TNFRSF1B: variants seen among roughly 807,000 people sequenced by gnomAD.
TNFRSF1B encodes the protein tumor necrosis factor receptor superfamily member 1B.
In TNFRSF1B, 19 loss-of-function variants were observed where a neutral mutation model predicts 44.6. That is an observed-to-expected ratio of 0.43 (90% CI 0.30 to 0.62). The LOEUF (loss-of-function observed/expected upper bound fraction) is 0.62, where lower values mean the gene tolerates loss of function less well. Among genes scored for constraint, TNFRSF1B ranks in the 20% least tolerant of loss-of-function variants. The pLI, the probability that TNFRSF1B is intolerant of heterozygous loss-of-function variation, is 0.16. For missense variants in TNFRSF1B, 541 were observed against 619.9 expected, an observed-to-expected ratio of 0.87 and a Z score of 1.35; for synonymous variants, 252 against 261.1, an observed-to-expected ratio of 0.97 and a Z score of 0.34.
rs574517558 is a variant in TNFRSF1B, at chr1:12,168,327, A to G, written c.78+1158A>G. 1.3e-5 allele frequency among the ~76,000 whole-genome samples: 2 copies of G among 152,302 alleles called. No individual in the cohort carries two copies. Among genetic ancestry groups the G allele is most frequent in the South Asian group, 2.1e-4 (1 of 4,830 alleles). On this transcript the variant is annotated intron_variant, in intron 1 of 9. Transcript: ENST00000376259. The surrounding 1 kb of genome is among the most constrained non-coding windows in gnomAD (Gnocchi z 4.7). ...GTGACTTGTTGATCTGAGGCCAGAGAGTCCAGTTCTTGTGGGTGGAAGATG... is the reference window on the plus strand; with the variant it reads ...GTGACTTGTTGATCTGAGGCCAGAGGGTCCAGTTCTTGTGGGTGGAAGATG...
rs781592930 is a variant in TNFRSF1B at position 12,191,920 on chromosome 1, C to T, written c.454C>T (p.Pro152Ser). The T allele has an allele frequency of 6.2e-7, 1 of 1,608,328 alleles. No individual in the cohort carries two copies. The highest frequency in any genetic ancestry group is 1.1e-5 in the South Asian group (1 of 90,714). Residue 152 changes from proline to serine, a missense_variant, in exon 4 of 10, where the codon CCA becomes TCA. Transcript: ENST00000376259. ...CCGCCCGGGCTTCGGCGTGGCCAGA[C>T]CAGGTACGGGGTGGGGCTCAGGTCC... Reference protein sequence around the residue: ...KCRPGFGVARPGTETSDVVCK... With the variant: ...KCRPGFGVARSGTETSDVVCK...
intron 1 of TNFRSF1B, among the ~76,000 whole-genome samples, chr1:12,182,010 C>T (rs1438571538): frequency 6.6e-6 from 1 of 152,204 alleles, no homozygotes; most frequent in Non-Finnish European, 1.5e-5. Flanking sequence ...GCACAGAGAA[C>T]CTGGTTACTG....
intron 9 of TNFRSF1B, among the ~76,000 whole-genome samples, chr1:12,204,770 A>G (rs374719141): frequency 3.3e-5 from 5 of 151,518 alleles, no homozygotes; most frequent in East Asian, 3.9e-4. Context: ...AAATGTTGGT[A>G]ATCAATTCAC....
intron 4 of TNFRSF1B, 49 bp downstream of exon 4, chr1:12,191,972 T>G (rs1302854408): frequency 3.2e-6 from 5 of 1,581,282 alleles, no homozygotes; most frequent in Non-Finnish European, 4.3e-6. Context: ...GCCTCTCCTT[T>G]GTAGACATCC....
chr1:12,189,760 G>A (rs1639070407), intron 2 of TNFRSF1B, among the ~76,000 whole-genome samples: 1 of 152,212 alleles, frequency 6.6e-6, no homozygotes, highest in Admixed American at 6.5e-5. Context: ...CAGGTAAGGC[G>A]GGGGAGACAG....
intron 9 of TNFRSF1B, among the ~76,000 whole-genome samples, chr1:12,203,176 C>A (rs2101126249): frequency 6.6e-6 from 1 of 152,352 alleles, no homozygotes; most frequent in African/African-American, 2.4e-5. Flanking sequence ...GAGATCCTTG[C>A]CTGGCCACTC....
chr1:12,202,024 C>G lies in TNFRSF1B; in HGVS notation c.958C>G (p.Leu320Val). The G allele has an allele frequency of 6.2e-7, 1 of 1,612,774 alleles. No individual in the cohort carries two copies. Among genetic ancestry groups the G allele is most frequent in the Non-Finnish European group, 8.5e-7 (1 of 1,179,726 alleles). ...GTQGPEQQHL[L>V]ITAPSSSSSS... ...ACAGGGCCCCGAGCAGCAGCACCTG[C>G]TGATCACAGCGCCGAGCTCCAGCAG... is the stretch of plus-strand genomic sequence containing the variant. Residue 320 changes from leucine (L) to valine (V), a missense_variant, in exon 9 of 10, where the codon CTG becomes GTG. By Grantham distance (32) the Leu-to-Val change is conservative. Transcript: ENST00000376259.
chr1:12,178,972 G>A lies in TNFRSF1B; in HGVS notation c.79-9824G>A, dbSNP rs112768017. Among the ~76,000 whole-genome samples the A allele has an allele frequency of 2.8e-3, 421 of 152,196 alleles. 3 individuals carry two copies. The highest frequency in any genetic ancestry group is 9.7e-3 in the African/African-American group (404 of 41,524). ...GCTGGCAGGAGATGCTGAGGGCAGC[G>A]AGGAGGAGGGGTCGTGGGAGATGGA... On this transcript the variant is annotated intron_variant, in intron 1 of 9. Coordinates refer to ENST00000376259, the MANE Select transcript of TNFRSF1B (RefSeq NM_001066.3). This position sits in a 1 kb window ranked among gnomAD's most constrained non-coding sequence, Gnocchi z 4.3.
Position 12,192,872 on chromosome 1 carries a change from G to C in TNFRSF1B, c.561G>C (p.Val187=), listed in dbSNP as rs1233684439. The C allele has an allele frequency of 6.2e-7, 1 of 1,613,580 alleles. No individual in the cohort carries two copies. ...CCTCCTCCTCCTCCAGCTGTAACGT[G>C]GTGGCCATCCCTGGGAATGCAAGCA... is the stretch of plus-strand genomic sequence containing the variant. ...DICRPHQICN[V]VAIPGNASMD... is the part of the protein sequence containing the mutation. The change falls in exon 6 of 10, where the codon GTG becomes GTC. Residue 187 remains valine, a synonymous_variant. Coordinates refer to ENST00000376259, the MANE Select transcript of TNFRSF1B (RefSeq NM_001066.3).
chr1:12,192,565 G>A (rs375517338), intron 5 of TNFRSF1B, 41 bp downstream of exon 5: 143 of 1,585,766 alleles, frequency 9.0e-5, no homozygotes, highest in Non-Finnish European at 1.2e-4. Context: ...AGCAGGGAGG[G>A]GCTGTCCCTG....
Position 12,199,230 on chromosome 1 carries a change from A to G in TNFRSF1B, c.901-2737A>G, listed in dbSNP as rs1458078133. ...AAACCCCTTTTGTGGGGTTGTGAGG[A>G]GTGACAATTGGCTGCTTCTCCTCCC... On this transcript the variant is annotated intron_variant, in intron 8 of 9. Coordinates refer to ENST00000376259, the MANE Select transcript of TNFRSF1B (RefSeq NM_001066.3). This position sits in a 1 kb window ranked among gnomAD's most constrained non-coding sequence, Gnocchi z 4.0. 6.6e-6 allele frequency among the ~76,000 whole-genome samples: 1 copy of G among 152,132 alleles called. No individual in the cohort carries two copies. The highest frequency in any genetic ancestry group is 2.4e-5 in the African/African-American group (1 of 41,428).
In TNFRSF1B at chr1:12,177,901, A is replaced by C. The variant is rs557741987; in HGVS notation, c.78+10732A>C. 6.6e-6 allele frequency among the ~76,000 whole-genome samples: 1 copy of C among 152,212 alleles called. No homozygotes were observed. The highest frequency in any genetic ancestry group is 2.1e-4 in the South Asian group (1 of 4,826). On this transcript the variant is annotated intron_variant, in intron 1 of 9. Transcript: ENST00000376259. The surrounding 1 kb of genome is among the most constrained non-coding windows in gnomAD (Gnocchi z 4.3). ...CAGAGTGCCCTTCCTTGTCACAGCTACCTGGGGGCAGGGGAACATCATCCC... is the reference window on the plus strand; with the variant it reads ...CAGAGTGCCCTTCCTTGTCACAGCTCCCTGGGGGCAGGGGAACATCATCCC...
chr1:12,193,583 A>C lies in TNFRSF1B; in HGVS notation c.788-372A>C, dbSNP rs149373764. ...TGAGGTCCTATCTCAAAAACAAAAC[A>C]AAACCAAACAAAACCCCTGGATAGG... On this transcript the variant is annotated intron_variant, in intron 6 of 9. Transcript: ENST00000376259. Among the ~76,000 whole-genome samples the C allele has an allele frequency of 5.3e-4, 80 of 152,314 alleles. 1 individual carries two copies. Among genetic ancestry groups the C allele is most frequent in the African/African-American group, 1.5e-3 (63 of 41,574 alleles).
chr1:12,201,285 T>C (rs971342998), intron 8 of TNFRSF1B, among the ~76,000 whole-genome samples: 4 of 132,710 alleles, frequency 3.0e-5, no homozygotes, highest in African/African-American at 1.1e-4. Context: ...AAAAAAAAAG[T>C]GAAAACCATT....
chr1:12,188,863 C>T lies in TNFRSF1B; in HGVS notation c.146C>T (p.Thr49Ile), dbSNP rs1639045343. The T allele has an allele frequency of 6.2e-7, 1 of 1,613,882 alleles. No homozygotes were observed. The highest frequency in any genetic ancestry group is 8.5e-7 in the Non-Finnish European group (1 of 1,179,908). Residue 49 changes from threonine to isoleucine, a missense_variant, in exon 2 of 10, where the codon ACA becomes ATA. Coordinates refer to ENST00000376259, the MANE Select transcript of TNFRSF1B (RefSeq NM_001066.3). ...CGGCTCAGAGAATACTATGACCAGACAGCTCAGATGTGCTGCAGCAAATGC... is the reference window on the plus strand; with the variant it reads ...CGGCTCAGAGAATACTATGACCAGATAGCTCAGATGTGCTGCAGCAAATGC... ...TCRLREYYDQ[T>I]AQMCCSKCSP...
chr1:12,196,850 C>A (rs1337704382), intron 8 of TNFRSF1B, among the ~76,000 whole-genome samples: 1 of 152,242 alleles, frequency 6.6e-6, no homozygotes, highest in Non-Finnish European at 1.5e-5. Flanking sequence ...GCCCAGCTGT[C>A]ACCTTCCCTT....
At chr1:12,183,052 G>A (rs963975633) in intron 1 of TNFRSF1B, among the ~76,000 whole-genome samples, 1 of 152,270 alleles carries the variant, frequency 6.6e-6, no homozygotes, top group Non-Finnish European at 1.5e-5. Context: ...ACCTGCGAAT[G>A]TCAGTGAGAA....
intron 4 of TNFRSF1B, among the ~76,000 whole-genome samples, chr1:12,192,134 C>A (rs1165114621): frequency 1.3e-5 from 2 of 152,238 alleles, no homozygotes; most frequent in Non-Finnish European, 2.9e-5. Flanking sequence ...TGTACTGGAA[C>A]CAGGAGACCC....
In TNFRSF1B at chr1:12,208,510, C is replaced by T. The variant is rs1639563614; in HGVS notation, c.*1490C>T. On this transcript the variant is annotated 3_prime_UTR_variant, in exon 10 of 10. Coordinates refer to ENST00000376259, the MANE Select transcript of TNFRSF1B (RefSeq NM_001066.3). ...TGAAGCCACTGAAGCTGGGATTCCT[C>T]CCCATTAGAGTCAGCCTTCCCCCTC... 6.6e-6 allele frequency: 1 copy of T among 152,618 alleles called. No individual in the cohort carries two copies. Among genetic ancestry groups the T allele is most frequent in the African/African-American group, 2.4e-5 (1 of 41,458 alleles). 9.5% of individuals were successfully genotyped at this position (152,618 alleles called of 1,614,324 possible). A position where few individuals can be genotyped will look rare whatever the true frequency, so the allele number is the denominator to read the frequency against.
Sources: gnomAD v4.1 joint callset for allele counts (sites outside exome capture counted in the v4.1 genomes callset) on GRCh38, gnomAD v4.1.1 for gene constraint, Gnocchi (gnomAD v3.1) non-coding constraint, MANE v1.5 for transcripts, NCBI Gene and HGNC (gene_info 2026-07-23, HGNC 2026-07-21) for gene names.